The following CFAP92 variants were observed in gnomAD, a reference collection of about 807,000 sequenced individuals.
CFAP92 encodes the protein uncharacterized protein CFAP92.
Under a neutral mutation model 106.3 loss-of-function variants are expected in CFAP92, and 86 were observed. The ratio of observed to expected loss-of-function variants is 0.81; its 90% confidence interval spans 0.68 to 0.97. The LOEUF is 0.97. Among genes scored for constraint, CFAP92 ranks in the 50% least tolerant of loss-of-function variants. The pLI is 0.00. For missense variants in CFAP92, 1,204 were observed against 1,283.8 expected, an observed-to-expected ratio of 0.94 and a Z score of 0.95; for synonymous variants, 477 against 506.4, an observed-to-expected ratio of 0.94 and a Z score of 0.78.
intron 8 of CFAP92, chr3:128,970,459 C>A (rs1942703228): frequency 1.3e-5 from 2 of 150,816 alleles, no homozygotes; most frequent in Non-Finnish European, 2.9e-5. Flanking sequence ...AGAGGGCGCA[C>A]AAGACACGTG....
Position 128,960,826 on chromosome 3 carries a change from C to T in CFAP92, c.1353+4685G>A, listed in dbSNP as rs1012070594. Among the ~76,000 whole-genome samples the T allele has an allele frequency of 4.6e-5, 7 of 152,176 alleles. No homozygotes were observed. In the East Asian group the frequency reaches 5.8e-4, roughly 13 times the overall value. ...TCAACCCCTTCTCCTTCACCCTCAG[C>T]GGCAAGTCCCACTTTCCTGGGGCAG... On this transcript the variant is annotated intron_variant, in intron 9 of 15. Transcript: ENST00000645291.
rs751625592 is a variant in CFAP92, at chr3:128,945,100, C to T, written c.2229G>A (p.Leu743=). The change falls in exon 10 of 16, where the codon TTG becomes TTA. Residue 743 remains leucine (L), a synonymous_variant. Transcript: ENST00000645291. Reference sequence around the variant, plus strand: ...TTTGGTGGTTCTCCCACAGCTGCCTCAAGCCTTGGTCGGCCAGGCCTTCCA... The same window carrying T: ...TTTGGTGGTTCTCCCACAGCTGCCTTAAGCCTTGGTCGGCCAGGCCTTCCA... ...FILEGLADQG[L]RQLWENHQSW... The T allele has an allele frequency of 2.0e-6, 3 of 1,532,330 alleles. No individual in the cohort carries two copies. In the South Asian group the frequency reaches 3.6e-5, roughly 18 times the overall value. The allele number at this position is 1,532,330 out of a possible 1,614,324, so 94.9% of individuals were successfully genotyped here. A position where few individuals can be genotyped will look rare whatever the true frequency, so the allele number is the denominator to read the frequency against.
chr3:128,979,103 A>G (rs1943353755), intron 4 of CFAP92, among the ~76,000 whole-genome samples: 1 of 151,390 alleles, frequency 6.6e-6, no homozygotes, highest in African/African-American at 2.4e-5. Context: ...ACAAATTTAC[A>G]AGAAAAAAAC....
At chr3:128,915,943 T>C (rs543567098) in intron 13 of CFAP92, 164 bp downstream of exon 13, 5 of 461,728 alleles carry the variant, frequency 1.1e-5, no homozygotes, top group Non-Finnish European at 1.8e-5. Context: ...TCACATTTAG[T>C]GTGGAACAGA....
the CFAP92 span, among the ~76,000 whole-genome samples, chr3:129,012,394 C>T: frequency 6.6e-6 from 1 of 152,130 alleles, no homozygotes; most frequent in Non-Finnish European, 1.5e-5. Flanking sequence ...GACCCCTGTG[C>T]CTCCAGCACT....
intron 12 of CFAP92, 62 bp from the exon 13 acceptor site, chr3:128,916,333 A>G: frequency 9.2e-7 from 1 of 1,088,400 alleles, no homozygotes; most frequent in Non-Finnish European, 1.2e-6. Flanking sequence ...ATGCCAGCTC[A>G]TATGCAGTGA....
At chr3:128,969,251 ACT>A in intron 8 of CFAP92, 1 of 145,990 alleles carries the variant, frequency 6.8e-6, no homozygotes, top group East Asian at 1.9e-4. Flanking sequence ...CCCTTTGCTG[ACT>A]CTCTTTTCAG....
At chr3:128,943,069 G>A (rs549070802) in intron 10 of CFAP92, among the ~76,000 whole-genome samples, 3 of 149,070 alleles carry the variant, frequency 2.0e-5, no homozygotes, top group South Asian at 2.1e-4. Context: ...ACAGGCACAC[G>A]CCACCACAGC....
Position 128,973,188 on chromosome 3 carries a change from A to AT in CFAP92, c.1022-1756dup, listed in dbSNP as rs371433796. ...ACAAAGCTGGCAGATCAGTAAGACA[A>AT]TTTTTTTTAAACTAACAGAAAAATA... On this transcript the variant is annotated intron_variant, in intron 7 of 15. Coordinates refer to ENST00000645291, the MANE Select transcript of CFAP92 (RefSeq NM_001394090.1). Among the ~76,000 whole-genome samples, 46 of 152,236 alleles carry AT rather than the reference A, an allele frequency of 3.0e-4. 1 individual carries two copies. The highest frequency in any genetic ancestry group is 1.1e-3 in the African/African-American group (44 of 41,534).
At chr3:128,910,421 T>C in intron 15 of CFAP92, 88 bp from the exon 16 acceptor site, 1 of 1,324,884 alleles carries the variant, frequency 7.5e-7, no homozygotes, top group East Asian at 2.5e-5. Flanking sequence ...TTGCCCGCTG[T>C]GCTGGAGGGA....
intron 7 of CFAP92, among the ~76,000 whole-genome samples, chr3:128,973,051 T>C (rs1303433578): frequency 2.0e-5 from 3 of 152,120 alleles, no homozygotes; most frequent in African/African-American, 7.2e-5. Context: ...AGTTAAATAA[T>C]TGGTGTACAA....
the CFAP92 span, among the ~76,000 whole-genome samples, chr3:129,023,508 A>G: frequency 2.0e-5 from 3 of 151,934 alleles, no homozygotes; most frequent in Admixed American, 6.6e-5. Flanking sequence ...TTGGTTTTGT[A>G]TTTTTAGTAG....
intron 1 of CFAP92, chr3:129,002,504 CCA>C: frequency 8.1e-7 from 1 of 1,233,792 alleles, no homozygotes; most frequent in Non-Finnish European, 1.1e-6. Flanking sequence ...CCATTCCACT[CCA>C]GTCCCCAACC....
chr3:128,924,191 T>G (rs1937520234), intron 12 of CFAP92, among the ~76,000 whole-genome samples: 1 of 151,368 alleles, frequency 6.6e-6, no homozygotes, highest in African/African-American at 2.4e-5. Context: ...TGTAAAAGAG[T>G]CTTGGAACAT....
chr3:128,978,084 T>G lies in CFAP92; in HGVS notation c.769A>C (p.Lys257Gln). 1 of 1,614,020 alleles carries G rather than the reference T, an allele frequency of 6.2e-7. No individual in the cohort carries two copies. Among genetic ancestry groups the G allele is most frequent in the Non-Finnish European group, 8.5e-7 (1 of 1,179,890 alleles). The change falls in exon 5 of 16, where the codon AAA becomes CAA. Residue 257 changes from lysine (K) to glutamine (Q), a missense_variant. Coordinates refer to ENST00000645291, the MANE Select transcript of CFAP92 (RefSeq NM_001394090.1). The part of the protein sequence containing the change: ...EESNQEHPPG[K>Q]QEKTEKHPKS... ...GGGTGTTTTTCTGTTTTTTCTTGTT[T>G]TCCTGGCGGATGTTCCTGGTTCGAC...
chr3:128,942,308 G>C (rs954412670), intron 10 of CFAP92, among the ~76,000 whole-genome samples: 1 of 152,258 alleles, frequency 6.6e-6, no homozygotes, highest in Non-Finnish European at 1.5e-5. Context: ...CGTGGAGCCA[G>C]ATGTGCTACC....
chr3:129,003,073 G>A (rs775615479), upstream of CFAP92, among the ~76,000 whole-genome samples: 6 of 152,216 alleles, frequency 3.9e-5, no homozygotes, highest in Non-Finnish European at 8.8e-5. Context: ...CCCTACCCCA[G>A]GCGACAACAG....
intron 9 of CFAP92, among the ~76,000 whole-genome samples, chr3:128,965,224 A>AC (rs1347848918): frequency 6.6e-6 from 1 of 151,580 alleles, no homozygotes; most frequent in African/African-American, 2.4e-5. Context: ...CCAGAGAACA[A>AC]CCCCCTTTGA....
rs1221373875 is a variant in CFAP92 at position 128,945,069 on chromosome 3, A to G, written c.2258+2T>C. The G allele has an allele frequency of 1.3e-6, 2 of 1,510,498 alleles. No homozygotes were observed. Among genetic ancestry groups the G allele is most frequent in the Non-Finnish European group, 1.8e-6 (2 of 1,132,612 alleles). The allele number at this position is 1,510,498 out of a possible 1,614,324, so 93.6% of individuals were successfully genotyped here. A position where few individuals can be genotyped will look rare whatever the true frequency, so the allele number is the denominator to read the frequency against. The stretch of plus-strand genomic sequence containing the variant: ...ATGTAAAATGTAAAACAAACCACCT[A>G]CCAGCTTTGGTGGTTCTCCCACAGC... On this transcript the variant is annotated splice_donor_variant, in intron 10 of 15. Transcript: ENST00000645291. LOFTEE classifies it high-confidence loss of function.
Sources: allele counts gnomAD v4.1 joint callset (sites outside exome capture counted in the v4.1 genomes callset), GRCh38; gene constraint gnomAD v4.1.1; transcripts MANE v1.5; gene names NCBI Gene and HGNC (gene_info 2026-07-23, HGNC 2026-07-21).